Variants in TG observed in about 807,000 individuals in gnomAD.
TG encodes thyroglobulin, also known as thyroid hormones.
TG carries 270 observed loss-of-function variants against 324.7 expected under a neutral mutation model. That is an observed-to-expected ratio of 0.83 (90% CI 0.75 to 0.92). TG has a LOEUF of 0.92. Among genes scored for constraint, TG ranks in the 40% least tolerant of loss-of-function variants. The pLI, the probability that TG is intolerant of heterozygous loss-of-function variation, is 0.00. For missense variants in TG, 3,591 were observed against 3,456.4 expected, an observed-to-expected ratio of 1.04 and a Z score of -0.98; for synonymous variants, 1,401 against 1,327.0, an observed-to-expected ratio of 1.06 and a Z score of -1.21.
At chr8:132,911,029 G>C (rs1319960696) in intron 18 of TG, among the ~76,000 whole-genome samples, 7 of 152,168 alleles carry the variant, frequency 4.6e-5, no homozygotes, top group Admixed American at 4.6e-4. Context: ...GATGCTATAG[G>C]GGTTCGGAGA....
chr8:132,932,815 G>C (rs1204967692), intron 23 of TG, among the ~76,000 whole-genome samples: 1 of 152,222 alleles, frequency 6.6e-6, no homozygotes, highest in Non-Finnish European at 1.5e-5. Flanking sequence ...CAGGGCTGCT[G>C]TCTGCTCCTG....
intron 5 of TG, among the ~76,000 whole-genome samples, chr8:132,880,845 A>G (rs954954117): frequency 8.5e-5 from 13 of 152,304 alleles, no homozygotes. Context: ...ATTGTCCTCA[A>G]TCATAGCATT....
At chr8:133,123,072 C>A (rs1321278682) in intron 45 of TG, among the ~76,000 whole-genome samples, 1 of 152,058 alleles carries the variant, frequency 6.6e-6, no homozygotes, top group Admixed American at 6.5e-5. Context: ...AGCCCCAGTC[C>A]CCCTAAGCTG....
chr8:132,967,106 A>T (rs961590334), intron 30 of TG, among the ~76,000 whole-genome samples: 6 of 138,928 alleles, frequency 4.3e-5, no homozygotes, highest in Non-Finnish European at 9.2e-5. Flanking sequence ...CCATCCATCC[A>T]TTCGATCCAT....
intron 7 of TG, 70 bp downstream of exon 7, chr8:132,882,682 A>C: frequency 6.2e-7 from 1 of 1,613,378 alleles, no homozygotes; most frequent in Non-Finnish European, 8.5e-7. Flanking sequence ...CAAAGTTGCT[A>C]TGGTGTGTGT....
At chr8:132,989,156 A>T (rs1371667317) in intron 35 of TG, among the ~76,000 whole-genome samples, 1 of 152,224 alleles carries the variant, frequency 6.6e-6, no homozygotes, top group Non-Finnish European at 1.5e-5. Flanking sequence ...AGCACAGGAA[A>T]GACCTGCCCC....
chr8:132,997,482 T>C (rs1832992680), intron 35 of TG, among the ~76,000 whole-genome samples: 1 of 151,282 alleles, frequency 6.6e-6, no homozygotes, highest in Admixed American at 6.6e-5. Context: ...ATGTAAAGAG[T>C]AAGAGTCAAG....
chr8:132,959,268 A>G (rs1307563908), intron 27 of TG, among the ~76,000 whole-genome samples: 4 of 152,218 alleles, frequency 2.6e-5, no homozygotes, highest in Admixed American at 6.5e-5. Flanking sequence ...CATTTTTGCC[A>G]TGTCAGATGG....
At chr8:133,091,451 G>A (rs143743633) in intron 41 of TG, among the ~76,000 whole-genome samples, 12 of 152,288 alleles carry the variant, frequency 7.9e-5, no homozygotes, top group African/African-American at 2.9e-4. Context: ...TGCTTGTCCG[G>A]GTAGCTGCCC....
At chr8:133,049,951 C>T (rs1840095729) in intron 41 of TG, 1 of 1,613,746 alleles carries the variant, frequency 6.2e-7, no homozygotes, top group Non-Finnish European at 8.5e-7. Flanking sequence ...CTCTCTCGAC[C>T]AGTGCTAAGA....
intron 41 of TG, among the ~76,000 whole-genome samples, chr8:133,093,177 T>TA (rs1310374088): frequency 6.6e-6 from 1 of 151,900 alleles, no homozygotes; most frequent in Non-Finnish European, 1.5e-5. Flanking sequence ...CAATGGTTCT[T>TA]AAAAAAAGCT....
At chr8:132,922,064 A>G (rs1348047850) in intron 21 of TG, among the ~76,000 whole-genome samples, 2 of 152,240 alleles carry the variant, frequency 1.3e-5, no homozygotes, top group Non-Finnish European at 2.9e-5. Context: ...TATAGTGGGT[A>G]TATATTAAAT....
At chr8:132,957,681 C>A (rs1827094934) in intron 27 of TG, among the ~76,000 whole-genome samples, 1 of 149,710 alleles carries the variant, frequency 6.7e-6, no homozygotes, top group South Asian at 2.2e-4. Context: ...GGGGATGTGA[C>A]TGAATTTGTA....
At chr8:132,946,969 C>A (rs1047071343) in intron 26 of TG, among the ~76,000 whole-genome samples, 1 of 152,200 alleles carries the variant, frequency 6.6e-6, no homozygotes, top group African/African-American at 2.4e-5. Flanking sequence ...TTCCATCATT[C>A]TGTTTCCTGG....
At chr8:133,095,784 G>A (rs1474386218) in intron 42 of TG, among the ~76,000 whole-genome samples, 1 of 152,220 alleles carries the variant, frequency 6.6e-6, no homozygotes, top group East Asian at 1.9e-4. Flanking sequence ...TTAGCAATGA[G>A]TCTGGACTCA....
chr8:133,004,105 G>T (rs969359538), intron 35 of TG, among the ~76,000 whole-genome samples: 9 of 152,208 alleles, frequency 5.9e-5, no homozygotes, highest in Admixed American at 4.6e-4. Flanking sequence ...ACCTCAATGA[G>T]TCTCTCTTCC....
intron 43 of TG, among the ~76,000 whole-genome samples, chr8:133,105,300 G>T (rs571325642): frequency 6.6e-6 from 1 of 152,364 alleles, no homozygotes; most frequent in East Asian, 1.9e-4. Context: ...TTCTGCCCCA[G>T]TGTGGTAGAG....
At chr8:132,941,319 T>A (rs1177478514) in intron 25 of TG, 32 bp from the exon 26 acceptor site, 2 of 1,613,748 alleles carry the variant, frequency 1.2e-6, no homozygotes, top group South Asian at 1.1e-5. Flanking sequence ...TGTTTTGAGG[T>A]CTTTTAAAAT....
chr8:133,044,844 T>G (rs1587858949), intron 41 of TG: 2 of 795,912 alleles, frequency 2.5e-6, no homozygotes, highest in East Asian at 5.1e-5. Flanking sequence ...ATTTACAGTC[T>G]GAATTAACGA....
Sources: gnomAD v4.1 joint callset for allele counts (sites outside exome capture counted in the v4.1 genomes callset) on GRCh38, gnomAD v4.1.1 for gene constraint, MANE v1.5 for transcripts, NCBI Gene and HGNC (gene_info 2026-07-23, HGNC 2026-07-21) for gene names.